PRKD1: variants seen among roughly 807,000 people sequenced by gnomAD.
The protein encoded by PRKD1 is protein kinase D1.
In PRKD1, 63 loss-of-function variants were observed where a neutral mutation model predicts 95.9. That is an observed-to-expected ratio of 0.66 (90% CI 0.54 to 0.81). The LOEUF (loss-of-function observed/expected upper bound fraction) is 0.81. Ranked by LOEUF, PRKD1 falls within the 30% of genes least tolerant of loss-of-function variation. The pLI is 0.00. For missense variants in PRKD1, 1,048 were observed against 1,165.3 expected (o/e 0.90, Z 1.47); for synonymous variants, 425 against 423.1 (o/e 1.00, Z -0.05).
intron 1 of PRKD1, among the ~76,000 whole-genome samples, chr14:29,841,624 C>T (rs1314269026): frequency 6.6e-6 from 1 of 152,148 alleles, no homozygotes; most frequent in Non-Finnish European, 1.5e-5. Context: ...ATTATGAGGC[C>T]TCCCCAGCCA....
At chr14:29,710,234 T>G (rs1482118691) in intron 2 of PRKD1, among the ~76,000 whole-genome samples, 1 of 152,076 alleles carries the variant, frequency 6.6e-6, no homozygotes, top group African/African-American at 2.4e-5. Flanking sequence ...CTTCCCTGCA[T>G]TGAGGGTGAG....
At chr14:29,863,212 G>C (rs541192417) in intron 1 of PRKD1, among the ~76,000 whole-genome samples, 1 of 152,110 alleles carries the variant, frequency 6.6e-6, no homozygotes, top group South Asian at 2.1e-4. Flanking sequence ...TCACATTACA[G>C]ACATTTAGGT....
At chr14:29,836,143 A>G (rs528521936) in intron 1 of PRKD1, among the ~76,000 whole-genome samples, 17 of 152,304 alleles carry the variant, frequency 1.1e-4, no homozygotes, top group Non-Finnish European at 1.8e-4. Context: ...GGCATTTCAA[A>G]CAAAAAGAGG....
rs767406123 is a variant in PRKD1 at position 29,660,912 on chromosome 14, T to C, written c.696+2787A>G. ...TCTTGTTTCCTTCTAATACTGATGATAGTTTACAAAAAAAAAAATCCATGC... is the reference window on the plus strand; with the variant it reads ...TCTTGTTTCCTTCTAATACTGATGACAGTTTACAAAAAAAAAAATCCATGC... On this transcript the variant is annotated intron_variant, in intron 4 of 17. Transcript: ENST00000331968. Among the ~76,000 whole-genome samples the C allele has an allele frequency of 7.3e-4, 111 of 151,798 alleles. 1 individual carries two copies. The highest frequency in any genetic ancestry group is 1.2e-3 in the Non-Finnish European group (84 of 67,958).
chr14:29,878,783 T>A (rs1391081310), intron 1 of PRKD1, among the ~76,000 whole-genome samples: 1 of 152,150 alleles, frequency 6.6e-6, no homozygotes, highest in East Asian at 1.9e-4. Context: ...TATTGCTTAA[T>A]AGGTACACAA....
chr14:29,843,215 G>C (rs1014783765), intron 1 of PRKD1, among the ~76,000 whole-genome samples: 1 of 152,124 alleles, frequency 6.6e-6, no homozygotes, highest in African/African-American at 2.4e-5. Context: ...ACAAAGGAAA[G>C]ACCATGTGAA....
At chr14:29,808,713 G>C (rs1489269212) in intron 1 of PRKD1, among the ~76,000 whole-genome samples, 1 of 151,938 alleles carries the variant, frequency 6.6e-6, no homozygotes, top group Non-Finnish European at 1.5e-5. Context: ...TCTAATTCTA[G>C]TTCTCTTGAT....
At chr14:29,782,788 G>T (rs756486488) in intron 1 of PRKD1, among the ~76,000 whole-genome samples, 1 of 151,936 alleles carries the variant, frequency 6.6e-6, no homozygotes, top group Non-Finnish European at 1.5e-5. Context: ...CAACTAATCC[G>T]CCGCCTTGGC....
intron 1 of PRKD1, among the ~76,000 whole-genome samples, chr14:29,919,253 C>T (rs1299820647): frequency 6.6e-6 from 1 of 152,158 alleles, no homozygotes; most frequent in Non-Finnish European, 1.5e-5. Context: ...CTGGCTTAAG[C>T]CAAATAAAAC....
chr14:29,689,976 T>G (rs1190123215), intron 2 of PRKD1, among the ~76,000 whole-genome samples: 1 of 152,114 alleles, frequency 6.6e-6, no homozygotes, highest in Non-Finnish European at 1.5e-5. Context: ...CACCGGGTTG[T>G]AGGAGGGAGA....
At chr14:29,672,137 T>C (rs1271381567) in intron 2 of PRKD1, among the ~76,000 whole-genome samples, 1 of 151,712 alleles carries the variant, frequency 6.6e-6, no homozygotes, top group Non-Finnish European at 1.5e-5. Flanking sequence ...GGTCAGGAGA[T>C]CCAGACCATC....
chr14:29,893,206 T>G (rs1284962976), intron 1 of PRKD1, among the ~76,000 whole-genome samples: 2 of 152,066 alleles, frequency 1.3e-5, no homozygotes, highest in Non-Finnish European at 2.9e-5. Flanking sequence ...AAAGGTAAAA[T>G]TTCATTACAA....
chr14:29,815,486 C>A (rs561256894), intron 1 of PRKD1, among the ~76,000 whole-genome samples: 2 of 152,102 alleles, frequency 1.3e-5, no homozygotes, highest in Non-Finnish European at 2.9e-5. Context: ...CATGAAAAAA[C>A]AAAACAAAAT....
chr14:29,747,931 A>T (rs1464756713), intron 1 of PRKD1, among the ~76,000 whole-genome samples: 3 of 152,014 alleles, frequency 2.0e-5, no homozygotes, highest in African/African-American at 7.3e-5. Flanking sequence ...TTTAGTAGAG[A>T]TGGGATTTCA....
At chr14:29,781,557 T>C (rs906505633) in intron 1 of PRKD1, among the ~76,000 whole-genome samples, 13 of 152,194 alleles carry the variant, frequency 8.5e-5, no homozygotes, top group Admixed American at 6.5e-4. Context: ...TGGATGAAAA[T>C]TTATCCGGCC....
At chr14:29,605,572 T>G (rs1893675869) in intron 13 of PRKD1, among the ~76,000 whole-genome samples, 1 of 152,204 alleles carries the variant, frequency 6.6e-6, no homozygotes, top group Non-Finnish European at 1.5e-5. Context: ...CTCAGAGTCT[T>G]TGCTATAATC....
intron 1 of PRKD1, among the ~76,000 whole-genome samples, chr14:29,882,149 A>T (rs1893535817): frequency 1.3e-5 from 2 of 152,252 alleles, no homozygotes; most frequent in Non-Finnish European, 2.9e-5. Flanking sequence ...ACAAATTGAT[A>T]ACCATAAAAA....
At chr14:29,828,773 CCA>C (rs1273756801) in intron 1 of PRKD1, among the ~76,000 whole-genome samples, 1 of 152,154 alleles carries the variant, frequency 6.6e-6, no homozygotes, top group Non-Finnish European at 1.5e-5. Flanking sequence ...CACCTTGAAA[CCA>C]CCTGTATAAG....
chr14:29,690,331 G>A (rs1414010585), intron 2 of PRKD1, among the ~76,000 whole-genome samples: 1 of 152,008 alleles, frequency 6.6e-6, no homozygotes, highest in Non-Finnish European at 1.5e-5. Flanking sequence ...AGCCTTCAAT[G>A]GAATATATTC....
Sources: gnomAD v4.1 joint callset for allele counts (sites outside exome capture counted in the v4.1 genomes callset) on GRCh38, gnomAD v4.1.1 for gene constraint, MANE v1.5 for transcripts, NCBI Gene and HGNC (gene_info 2026-07-23, HGNC 2026-07-21) for gene names.